DOCK8: variants seen among roughly 807,000 people sequenced by gnomAD.
DOCK8 encodes dedicator of cytokinesis 8.
A neutral mutation model predicts 245.6 loss-of-function variants in DOCK8; 141 were observed. That is an observed-to-expected ratio of 0.57 (90% CI 0.50 to 0.66). The LOEUF is 0.66. DOCK8 is among the 30% of genes least tolerant of loss of function. DOCK8 has a pLI of 0.00. For synonymous variants in DOCK8, 1,168 were observed against 970.2 expected (o/e 1.20, Z -3.79); for missense variants, 2,965 against 2,603.4 (o/e 1.14, Z -3.02).
At chr9:232,189 G>A (rs1392896653) in intron 1 of DOCK8, among the ~76,000 whole-genome samples, 1 of 152,086 alleles carries the variant, frequency 6.6e-6, no homozygotes, top group Non-Finnish European at 1.5e-5. Context: ...TTTATATGCT[G>A]GATTACATTT....
intron 28 of DOCK8, among the ~76,000 whole-genome samples, chr9:409,823 G>C (rs1041505950): frequency 6.7e-6 from 1 of 150,082 alleles, no homozygotes; most frequent in Non-Finnish European, 1.5e-5. Flanking sequence ...GCGATAGTTT[G>C]CTGAGAATGA....
At chr9:464,071 C>T in intron 47 of DOCK8, 88 bp from the exon 48 acceptor site, 1 of 1,152,240 alleles carries the variant, frequency 8.7e-7, no homozygotes, top group Non-Finnish European at 1.3e-6. Context: ...GGGTGATCCA[C>T]CCCCAACCCT....
At chr9:287,358 T>TA (rs199806513) in intron 3 of DOCK8, among the ~76,000 whole-genome samples, 21 of 151,546 alleles carry the variant, frequency 1.4e-4, no homozygotes, top group South Asian at 4.2e-4. Context: ...TTCTAAAATG[T>TA]AAAAAAAAAT....
chr9:229,484 A>T (rs2047060989), intron 1 of DOCK8, among the ~76,000 whole-genome samples: 1 of 152,170 alleles, frequency 6.6e-6, no homozygotes, highest in African/African-American at 2.4e-5. Flanking sequence ...TGGACTCCAG[A>T]TTGCAGAGCT....
At position 370,317 on chromosome 9, in the gene DOCK8, A is replaced by G. The variant is rs1197623406; in HGVS notation, c.1868+17A>G. 2 of 1,608,994 alleles carry G rather than the reference A, an allele frequency of 1.2e-6. No homozygotes were observed. The highest frequency in any genetic ancestry group is 1.3e-5 in the African/African-American group (1 of 74,812). The stretch of plus-strand genomic sequence containing the variant: ...CCATAATAAGTAAGTCTATTTCAGC[A>G]TTCTAAATATATGCCAAGATGGTTT... On this transcript the variant is annotated intron_variant, in intron 16 of 47. Coordinates refer to ENST00000432829, the MANE Select transcript of DOCK8 (RefSeq NM_203447.4).
intron 14 of DOCK8, chr9:365,718 G>T: frequency 4.6e-6 from 2 of 437,730 alleles, no homozygotes; most frequent in Non-Finnish European, 9.0e-6. Context: ...GCAAAAGCTG[G>T]ATTCAAATCT....
chr9:224,664 G>A (rs1324797658), intron 1 of DOCK8, among the ~76,000 whole-genome samples: 1 of 152,148 alleles, frequency 6.6e-6, no homozygotes, highest in Non-Finnish European at 1.5e-5. Context: ...TCAGCTTTCT[G>A]CTGTGTAATA....
chr9:378,716 C>T (rs1396507782), intron 20 of DOCK8, among the ~76,000 whole-genome samples: 1 of 152,214 alleles, frequency 6.6e-6, no homozygotes, highest in East Asian at 1.9e-4. Flanking sequence ...AGCAAGTTGC[C>T]ACCTTGTGGT....
At chr9:389,871 A>G (rs1031138684) in intron 23 of DOCK8, among the ~76,000 whole-genome samples, 14 of 152,088 alleles carry the variant, frequency 9.2e-5, no homozygotes, top group Non-Finnish European at 2.9e-5. Flanking sequence ...AGAAAAAAGA[A>G]AAAACTAGCT....
chr9:349,038 C>T (rs1219509704), intron 14 of DOCK8, among the ~76,000 whole-genome samples: 2 of 152,120 alleles, frequency 1.3e-5, no homozygotes, highest in Non-Finnish European at 1.5e-5. Flanking sequence ...AGTCGGGAAT[C>T]GTCTTATACT....
At chr9:241,985 A>C (rs2047384235) in intron 1 of DOCK8, among the ~76,000 whole-genome samples, 1 of 150,568 alleles carries the variant, frequency 6.6e-6, no homozygotes, top group Non-Finnish European at 1.5e-5. Context: ...GTTTCTCCAC[A>C]AAGAAGAGCA....
At chr9:262,961 C>T (rs1002466810) in intron 1 of DOCK8, among the ~76,000 whole-genome samples, 2 of 152,152 alleles carry the variant, frequency 1.3e-5, no homozygotes, top group African/African-American at 4.8e-5. Flanking sequence ...AATCCCAGCA[C>T]TTTGGGAGGC....
intron 1 of DOCK8, chr9:215,543 C>A: frequency 5.9e-6 from 7 of 1,180,226 alleles, no homozygotes; most frequent in Non-Finnish European, 7.7e-6. Context: ...CCAGAAAGAG[C>A]TTGGCTCCTG....
At chr9:352,514 C>T (rs560814644) in intron 14 of DOCK8, among the ~76,000 whole-genome samples, 22 of 152,038 alleles carry the variant, frequency 1.4e-4, no homozygotes, top group Admixed American at 7.9e-4. Flanking sequence ...GAGGCCGAGG[C>T]GGGTGGATCA....
chr9:446,595 C>T lies in DOCK8; in HGVS notation c.5806C>T (p.Gln1936Ter). The part of the protein sequence containing the change: ...PYIKTRISVI[Q>*]KEEFVLTPIE... ...CATCAAGACCAGGATCAGCGTCATC[C>T]AGAAGGAGGAGGTAATGCACCCAAG... is the stretch of plus-strand genomic sequence containing the variant. The change falls in exon 44 of 48, where the codon CAG becomes TAG. Residue 1936 changes from glutamine (Q) to a stop codon, truncating the protein, a stop_gained. Transcript: ENST00000432829. LOFTEE classifies it high-confidence loss of function. 6.2e-7 allele frequency: 1 copy of T among 1,614,116 alleles called. No individual in the cohort carries two copies. The highest frequency in any genetic ancestry group is 8.5e-7 in the Non-Finnish European group (1 of 1,180,002).
At chr9:405,165 T>A in intron 27 of DOCK8, 92 bp downstream of exon 27, 1 of 1,341,604 alleles carries the variant, frequency 7.5e-7, no homozygotes, top group Non-Finnish European at 1.0e-6. Context: ...AAGGTTAGTC[T>A]TATTAATTTG....
At chr9:404,820 C>A in intron 26 of DOCK8, 98 bp from the exon 27 acceptor site, 1 of 1,320,352 alleles carries the variant, frequency 7.6e-7, no homozygotes, top group Non-Finnish European at 1.1e-6. Flanking sequence ...AAATTGATTG[C>A]CTTAACCTGG....
chr9:370,442 ACT>A (rs1440093382), intron 16 of DOCK8, 142 bp downstream of exon 16: 30 of 740,382 alleles, frequency 4.1e-5, no homozygotes, highest in South Asian at 3.0e-4. Flanking sequence ...CAGTTCCGTG[ACT>A]CTGTGTTGAA....
chr9:342,368 T>G (rs926146731), intron 14 of DOCK8, among the ~76,000 whole-genome samples: 1 of 151,804 alleles, frequency 6.6e-6, no homozygotes, highest in Non-Finnish European at 1.5e-5. Flanking sequence ...TTACCCAGAT[T>G]TCCACAAGTT....
Sources: allele counts gnomAD v4.1 joint callset (sites outside exome capture counted in the v4.1 genomes callset), GRCh38; gene constraint gnomAD v4.1.1; transcripts MANE v1.5; gene names NCBI Gene and HGNC (gene_info 2026-07-23, HGNC 2026-07-21).